GRID1: variants seen among roughly 807,000 people sequenced by gnomAD.
GRID1 encodes glutamate receptor ionotropic, delta-1.
A neutral mutation model predicts 98.0 loss-of-function variants in GRID1; 28 were observed. That is an observed-to-expected ratio of 0.29 (90% CI 0.21 to 0.39). The LOEUF is 0.39. GRID1 is among the 10% of genes least tolerant of loss of function. The pLI, the probability that GRID1 is intolerant of heterozygous loss-of-function variation, is 1.00. For missense variants in GRID1, 1,111 were observed against 1,340.5 expected, an observed-to-expected ratio of 0.83 and a Z score of 2.67; for synonymous variants, 553 against 538.5, an observed-to-expected ratio of 1.03 and a Z score of -0.37.
At chr10:85,887,901 G>T (rs1841139764) in intron 5 of GRID1, among the ~76,000 whole-genome samples, 1 of 151,990 alleles carries the variant, frequency 6.6e-6, no homozygotes, top group African/African-American at 2.4e-5. Flanking sequence ...TCAAAGACCT[G>T]CCTCTACCTG....
At chr10:85,849,664 C>A (rs882872) in intron 8 of GRID1, among the ~76,000 whole-genome samples, 24,629 of 152,056 alleles carry the variant, frequency 0.16, 2,114 homozygotes, top group Middle Eastern at 0.22. Flanking sequence ...CTCTGCCAAG[C>A]CCCCTCACTC....
At chr10:86,067,746 T>C (rs1268075837) in intron 4 of GRID1, among the ~76,000 whole-genome samples, 2 of 152,100 alleles carry the variant, frequency 1.3e-5, no homozygotes, top group Non-Finnish European at 2.9e-5. Flanking sequence ...AGTCAGTGAG[T>C]GAGCACTATG....
chr10:85,982,338 A>T (rs1265685258), intron 4 of GRID1, among the ~76,000 whole-genome samples: 2 of 152,128 alleles, frequency 1.3e-5, no homozygotes, highest in African/African-American at 4.8e-5. Flanking sequence ...TTAAAAAAAA[A>T]CTTTGGATTT....
At chr10:85,894,393 T>A (rs1841251856) in intron 5 of GRID1, among the ~76,000 whole-genome samples, 1 of 151,622 alleles carries the variant, frequency 6.6e-6, no homozygotes. Flanking sequence ...AAAAAAAGAG[T>A]ATAATACAGG....
At chr10:85,618,070 AAT>A (rs1185035149) in intron 14 of GRID1, among the ~76,000 whole-genome samples, 8 of 152,164 alleles carry the variant, frequency 5.3e-5, no homozygotes, top group African/African-American at 1.7e-4. Flanking sequence ...GCTCTGACCT[AAT>A]GGGAGCCCCC....
At chr10:85,763,351 G>A (rs1842167397) in intron 8 of GRID1, among the ~76,000 whole-genome samples, 2 of 152,172 alleles carry the variant, frequency 1.3e-5, no homozygotes, top group South Asian at 4.2e-4. Context: ...TTGTGAGGCT[G>A]TGAGAGGGCA....
intron 4 of GRID1, among the ~76,000 whole-genome samples, chr10:86,037,459 C>T (rs947419760): frequency 1.3e-5 from 2 of 152,172 alleles, no homozygotes; most frequent in African/African-American, 2.4e-5. Context: ...TGATGTGCTA[C>T]TTTATGCAAA....
At chr10:86,294,464 C>T (rs1829563509) in intron 2 of GRID1, among the ~76,000 whole-genome samples, 1 of 152,114 alleles carries the variant, frequency 6.6e-6, no homozygotes, top group Admixed American at 6.6e-5. Flanking sequence ...TCCAAGAATC[C>T]AGGGGAGAGA....
intron 12 of GRID1, among the ~76,000 whole-genome samples, chr10:85,659,049 G>C (rs1840935115): frequency 1.3e-5 from 2 of 152,366 alleles, no homozygotes; most frequent in South Asian, 4.1e-4. Flanking sequence ...TGGGGCTGGA[G>C]AATGTGTGAG....
At chr10:86,361,853 G>T (rs375420425) in intron 2 of GRID1, among the ~76,000 whole-genome samples, 1 of 152,218 alleles carries the variant, frequency 6.6e-6, no homozygotes, top group Non-Finnish European at 1.5e-5. Flanking sequence ...TAATGGAGAT[G>T]ACCTCTTCAG....
intron 3 of GRID1, among the ~76,000 whole-genome samples, chr10:86,201,747 T>A (rs1430996910): frequency 8.1e-5 from 12 of 147,374 alleles, no homozygotes; most frequent in Non-Finnish European, 1.2e-4. Context: ...GTGAAATACA[T>A]GTACAGTGTT....
intron 3 of GRID1, among the ~76,000 whole-genome samples, chr10:86,152,208 T>G (rs1359729101): frequency 6.6e-6 from 1 of 152,094 alleles, no homozygotes; most frequent in Non-Finnish European, 1.5e-5. Flanking sequence ...ACCAAGAGGA[T>G]GTCAGGATCA....
chr10:85,975,399 T>C (rs911175452), intron 4 of GRID1, among the ~76,000 whole-genome samples: 6 of 152,232 alleles, frequency 3.9e-5, no homozygotes, highest in African/African-American at 1.2e-4. Flanking sequence ...GAGGCTACTC[T>C]TACTTCCACT....
chr10:86,285,932 A>G (rs564870821), intron 2 of GRID1, among the ~76,000 whole-genome samples: 10 of 152,362 alleles, frequency 6.6e-5, no homozygotes, highest in Non-Finnish European at 1.5e-4. Flanking sequence ...AAAGTTTCCA[A>G]TAACTTATCA....
chr10:86,217,610 G>C (rs1004643959), intron 2 of GRID1, among the ~76,000 whole-genome samples: 8 of 152,168 alleles, frequency 5.3e-5, no homozygotes, highest in African/African-American at 1.9e-4. Context: ...CTAGGAAAGA[G>C]GCAGCCGGCT....
intron 2 of GRID1, among the ~76,000 whole-genome samples, chr10:86,246,320 C>T (rs1416434091): frequency 6.6e-6 from 1 of 152,244 alleles, no homozygotes; most frequent in Non-Finnish European, 1.5e-5. Flanking sequence ...ACCTGGGCTC[C>T]CTGAGGGCCC....
intron 8 of GRID1, among the ~76,000 whole-genome samples, chr10:85,790,397 A>G (rs1001288659): frequency 2.6e-5 from 4 of 152,358 alleles, no homozygotes; most frequent in African/African-American, 9.6e-5. Context: ...AGGCCATTTC[A>G]GGCCTTGGGA....
At position 86,138,956 on chromosome 10, in the gene GRID1, C is replaced by T. The variant is rs1844971676; in HGVS notation, c.589G>A (p.Val197Met). The change falls in exon 4 of 16, where the codon GTG becomes ATG. Residue 197 changes from valine (V) to methionine (M), a missense_variant. This residue lies in a region of GRID1 where 346 missense variants were observed against 452.3 expected (regional missense o/e 0.76). Transcript: ENST00000327946. ...RLGLDVSLQK[V>M]DKNISHVFTS... is the part of the protein sequence containing the mutation. ...AATACGTGGCTAATGTTCTTGTCCA[C>T]CTTTTGTAAAGAGACGTCAAGGCCC... 1 of 1,614,124 alleles carries T rather than the reference C, an allele frequency of 6.2e-7. No homozygotes were observed. The highest frequency in any genetic ancestry group is 8.5e-7 in the Non-Finnish European group (1 of 1,179,940).
chr10:85,753,348 C>T (rs989471743), intron 8 of GRID1, among the ~76,000 whole-genome samples: 1 of 152,172 alleles, frequency 6.6e-6, no homozygotes, highest in Admixed American at 6.5e-5. Flanking sequence ...ACAGTGAGGG[C>T]ACTGTCAAGC....
Sources: allele counts gnomAD v4.1 joint callset (sites outside exome capture counted in the v4.1 genomes callset), GRCh38; gene constraint gnomAD v4.1.1; regional missense constraint gnomAD v4.1.1; transcripts MANE v1.5; gene names NCBI Gene and HGNC (gene_info 2026-07-23, HGNC 2026-07-21).